RAPGEF2: variants seen among roughly 807,000 people sequenced by gnomAD.
RAPGEF2 encodes Rap guanine nucleotide exchange factor 2.
RAPGEF2 carries 54 observed loss-of-function variants against 186.7 expected under a neutral mutation model. That is an observed-to-expected ratio of 0.29 (90% confidence interval 0.23 to 0.36). The LOEUF (loss-of-function observed/expected upper bound fraction) is 0.36, where lower values mean the gene tolerates loss of function less well. Among genes scored for constraint, RAPGEF2 ranks in the 10% least tolerant of loss-of-function variants. The pLI, the probability that RAPGEF2 is intolerant of heterozygous loss-of-function variation, is 1.00. For missense variants in RAPGEF2, 1,532 were observed against 2,045.0 expected, an observed-to-expected ratio of 0.75 and a Z score of 4.84; for synonymous variants, 712 against 705.9, an observed-to-expected ratio of 1.01 and a Z score of -0.14.
intron 1 of RAPGEF2, among the ~76,000 whole-genome samples, chr4:159,139,112 A>G (rs1742037367): frequency 2.0e-5 from 3 of 152,200 alleles, no homozygotes; most frequent in African/African-American, 7.2e-5. Flanking sequence ...CACATGCCAG[A>G]TATTTTTGAG....
intron 1 of RAPGEF2, among the ~76,000 whole-genome samples, chr4:159,158,050 T>TA: frequency 6.6e-6 from 1 of 152,314 alleles, no homozygotes; most frequent in Admixed American, 6.5e-5. Context: ...ATACTTGTTT[T>TA]ATTTGACATT....
intron 8 of RAPGEF2, among the ~76,000 whole-genome samples, chr4:159,312,621 G>A (rs1208960083): frequency 1.3e-5 from 2 of 152,116 alleles, no homozygotes; most frequent in East Asian, 3.8e-4. Flanking sequence ...TGCTTATAAT[G>A]ACCAGGCCAT....
intron 4 of RAPGEF2, among the ~76,000 whole-genome samples, chr4:159,237,171 C>G (rs1189617787): frequency 6.6e-6 from 1 of 152,036 alleles, no homozygotes; most frequent in East Asian, 1.9e-4. Context: ...CAGGCTTGTA[C>G]CACCATGCCT....
chr4:159,346,442 C>G (rs2111293610), intron 24 of RAPGEF2, among the ~76,000 whole-genome samples: 1 of 152,308 alleles, frequency 6.6e-6, no homozygotes, highest in South Asian at 2.1e-4. Flanking sequence ...GATGACTTTT[C>G]TGTTGTAGCT....
At chr4:159,204,582 A>G (rs1242244401) in intron 3 of RAPGEF2, among the ~76,000 whole-genome samples, 1 of 152,204 alleles carries the variant, frequency 6.6e-6, no homozygotes. Flanking sequence ...TGAACTGATC[A>G]TTTTATAATG....
rs1440805096 is a variant in RAPGEF2 at position 159,209,903 on chromosome 4, A to G, written c.198-597A>G. Among the ~76,000 whole-genome samples the G allele has an allele frequency of 2.6e-5, 4 of 152,260 alleles. 1 individual carries two copies. Among genetic ancestry groups the G allele is most frequent in the East Asian group, 3.8e-4 (2 of 5,200 alleles). ...TGCTTAAGTCAAATATGGCACATCC[A>G]TACATGCTTTACAGCAGTAAAAAGA... On this transcript the variant is annotated intron_variant, in intron 3 of 29. Transcript: ENST00000691494.
rs1767453415 is a variant in RAPGEF2, at chr4:159,336,566, TTAG to T, written c.2136-1743_2136-1741del. Reference sequence around the variant, plus strand: ...TAAACACATTTTCTTTATCCACTCATTAGTCGATGTGCACTTAGGTTGCTTCCA... The same window carrying T: ...TAAACACATTTTCTTTATCCACTCATTCGATGTGCACTTAGGTTGCTTCCA... On this transcript the variant is annotated intron_variant, in intron 17 of 29. Coordinates refer to ENST00000691494, the MANE Select transcript of RAPGEF2 (RefSeq NM_001394067.2). 4.6e-5 allele frequency among the ~76,000 whole-genome samples: 7 copies of T among 152,328 alleles called. No homozygotes were observed. The South Asian group carries it at 1.5e-3, about 32-fold the overall frequency.
chr4:159,122,389 G>A (rs569260493), intron 1 of RAPGEF2, among the ~76,000 whole-genome samples: 149 of 151,386 alleles, frequency 9.8e-4, no homozygotes, highest in Non-Finnish European at 1.9e-3. Context: ...TGAGGCAGGA[G>A]AACTGCTTGA....
Position 159,173,178 on chromosome 4 carries a change from A to G in RAPGEF2, c.70-13464A>G, listed in dbSNP as rs188275271. 7.2e-5 allele frequency among the ~76,000 whole-genome samples: 11 copies of G among 152,318 alleles called. No individual in the cohort carries two copies. The East Asian group carries it at 2.1e-3, about 29-fold the overall frequency. On this transcript the variant is annotated intron_variant, in intron 1 of 29. Coordinates refer to ENST00000691494, the MANE Select transcript of RAPGEF2 (RefSeq NM_001394067.2). ...ATTCAAGATGGGAAAAACAGATGTC[A>G]AATTATTTTTGTCTTTTGTCCTAGA...
At chr4:159,347,515 T>A (rs1452423623) in intron 25 of RAPGEF2, among the ~76,000 whole-genome samples, 2 of 152,278 alleles carry the variant, frequency 1.3e-5, no homozygotes, top group Non-Finnish European at 2.9e-5. Context: ...CCAGGCACGG[T>A]GGCTCACGCC....
At chr4:159,248,663 A>G (rs1754944385) in intron 7 of RAPGEF2, among the ~76,000 whole-genome samples, 1 of 152,234 alleles carries the variant, frequency 6.6e-6, no homozygotes, top group Non-Finnish European at 1.5e-5. Flanking sequence ...TCTTTCTTGC[A>G]GTTACAATCA....
chr4:159,343,987 GTC>G (rs763874294), intron 22 of RAPGEF2, 47 bp from the exon 23 acceptor site: 1 of 1,517,256 alleles, frequency 6.6e-7, no homozygotes, highest in Admixed American at 1.7e-5. Context: ...TGATCTTTCT[GTC>G]TCTCTTTCTA....
At chr4:159,264,401 G>A (rs1437837994) in intron 7 of RAPGEF2, among the ~76,000 whole-genome samples, 1 of 152,110 alleles carries the variant, frequency 6.6e-6, no homozygotes, top group Non-Finnish European at 1.5e-5. Context: ...CCAGAGAGAG[G>A]CAAGCAATTG....
At chr4:159,194,159 C>G (rs1014071524) in intron 3 of RAPGEF2, among the ~76,000 whole-genome samples, 1 of 152,126 alleles carries the variant, frequency 6.6e-6, no homozygotes. Context: ...ACTTTTTAGG[C>G]AGAAGGAACA....
At chr4:159,202,742 T>C (rs10031128) in intron 3 of RAPGEF2, among the ~76,000 whole-genome samples, 73,227 of 151,894 alleles carry the variant, frequency 0.48, 19,338 homozygotes, top group African/African-American at 0.71. Context: ...GTTGGGACTA[T>C]AGGCACCCAC....
chr4:159,140,262 T>C (rs188963791), intron 1 of RAPGEF2, among the ~76,000 whole-genome samples: 21 of 152,344 alleles, frequency 1.4e-4, no homozygotes, highest in African/African-American at 4.8e-4. Flanking sequence ...TTCAGTAATT[T>C]AGTATAGCCA....
chr4:159,117,614 T>C (rs1246108733), intron 1 of RAPGEF2, among the ~76,000 whole-genome samples: 2 of 152,106 alleles, frequency 1.3e-5, no homozygotes, highest in Non-Finnish European at 2.9e-5. Flanking sequence ...CAAATTCATA[T>C]CTTTAATTTT....
intron 8 of RAPGEF2, among the ~76,000 whole-genome samples, chr4:159,313,490 T>C (rs1333377823): frequency 1.3e-5 from 2 of 152,186 alleles, no homozygotes; most frequent in Admixed American, 1.3e-4. Context: ...TGACACATTG[T>C]AAGTATTTAG....
intron 1 of RAPGEF2, among the ~76,000 whole-genome samples, chr4:159,154,652 G>A (rs967865249): frequency 6.6e-6 from 1 of 152,102 alleles, no homozygotes; most frequent in African/African-American, 2.4e-5. Flanking sequence ...AAAATAATCT[G>A]CTTCTGGGGA....
Sources: allele counts gnomAD v4.1 joint callset (sites outside exome capture counted in the v4.1 genomes callset), GRCh38; gene constraint gnomAD v4.1.1; transcripts MANE v1.5; gene names NCBI Gene and HGNC (gene_info 2026-07-23, HGNC 2026-07-21).